Variants in PLEKHA5 observed in about 807,000 individuals in gnomAD.
The protein encoded by PLEKHA5 is pleckstrin homology domain-containing family A member 5.
Under a neutral mutation model 181.9 loss-of-function variants are expected in PLEKHA5, and 55 were observed. The ratio of observed to expected loss-of-function variants is 0.30; its 90% CI spans 0.24 to 0.38. PLEKHA5 has a LOEUF of 0.38. Among genes scored for constraint, PLEKHA5 ranks in the 10% least tolerant of loss-of-function variants. The pLI is 1.00. For missense variants in PLEKHA5, 1,432 were observed against 1,549.5 expected, an observed-to-expected ratio of 0.92 and a Z score of 1.27; for synonymous variants, 535 against 529.4, an observed-to-expected ratio of 1.01 and a Z score of -0.15.
chr12:19,213,544 TTTAAGGGTTTCAG>T (rs373126964), intron 3 of PLEKHA5, among the ~76,000 whole-genome samples: 9 of 152,214 alleles, frequency 5.9e-5, no homozygotes, highest in African/African-American at 2.2e-4. Context: ...GAGGGTCATT[TTTAAGGGTTTCAG>T]TAGGGGAGCA....
At chr12:19,352,827 C>A (rs900616416) in intron 25 of PLEKHA5, among the ~76,000 whole-genome samples, 1 of 151,874 alleles carries the variant, frequency 6.6e-6, no homozygotes, top group Admixed American at 6.6e-5. Context: ...TTCTTACTTG[C>A]TCTGTTGCCC....
At chr12:19,228,271 C>T (rs2059962866) in intron 3 of PLEKHA5, among the ~76,000 whole-genome samples, 1 of 152,168 alleles carries the variant, frequency 6.6e-6, no homozygotes, top group Admixed American at 6.5e-5. Flanking sequence ...ACCTTTCAGT[C>T]CTGCTCTTCA....
At chr12:19,311,119 C>G (rs2152986045) in intron 15 of PLEKHA5, among the ~76,000 whole-genome samples, 1 of 152,052 alleles carries the variant, frequency 6.6e-6, no homozygotes, top group East Asian at 1.9e-4. Flanking sequence ...GAACATATTG[C>G]CCGTCGTAGA....
At chr12:19,334,983 G>GA (rs35656695) in intron 20 of PLEKHA5, among the ~76,000 whole-genome samples, 4,659 of 49,938 alleles carry the variant, frequency 0.093, 344 homozygotes, top group South Asian at 0.11. Context: ...TTTTTTTTAT[G>GA]AAAAAAAAAA....
At chr12:19,291,995 C>G (rs2152850069) in intron 15 of PLEKHA5, among the ~76,000 whole-genome samples, 1 of 152,312 alleles carries the variant, frequency 6.6e-6, no homozygotes, top group South Asian at 2.1e-4. Flanking sequence ...TGAGGCTTAT[C>G]TCAGCTTGGA....
intron 3 of PLEKHA5, among the ~76,000 whole-genome samples, chr12:19,196,512 CT>C (rs1207435787): frequency 6.6e-6 from 1 of 152,162 alleles, no homozygotes; most frequent in Non-Finnish European, 1.5e-5. Flanking sequence ...AAACCTACCC[CT>C]ATGTGATCTC....
intron 11 of PLEKHA5, among the ~76,000 whole-genome samples, chr12:19,277,401 C>T (rs2074892839): frequency 6.6e-6 from 1 of 152,094 alleles, no homozygotes; most frequent in Admixed American, 6.6e-5. Flanking sequence ...GTTTTAGGTT[C>T]CTTTATGAGT....
At chr12:19,300,447 C>T (rs894476659) in intron 15 of PLEKHA5, among the ~76,000 whole-genome samples, 1 of 152,126 alleles carries the variant, frequency 6.6e-6, no homozygotes, top group African/African-American at 2.4e-5. Context: ...TTTACAGTTA[C>T]AAAATTATAA....
rs556803659 is a variant in PLEKHA5 at position 19,238,691 on chromosome 12, G to A, written c.228-15249G>A. 2.9e-4 allele frequency among the ~76,000 whole-genome samples: 44 copies of A among 149,628 alleles called. 1 individual carries two copies. The South Asian group carries it at 7.8e-3, about 27-fold the overall frequency. ...ATATTCAGTATACATTTTAAACAAA[G>A]ATGTTTTTGAGACATTATGACATCA... On this transcript the variant is annotated intron_variant, in intron 3 of 31. Coordinates refer to ENST00000429027, the MANE Select transcript of PLEKHA5 (RefSeq NM_001256470.2).
rs115661450 is a variant in PLEKHA5 at position 19,226,724 on chromosome 12, G to A, written c.228-27216G>A. The stretch of plus-strand genomic sequence containing the variant: ...TTTTAAAGTTTGTGTTTGGATAGTC[G>A]TAATTTTTTATGTCTGATCTTCAGT... On this transcript the variant is annotated intron_variant, in intron 3 of 31. Transcript: ENST00000429027. 2.4e-3 allele frequency among the ~76,000 whole-genome samples: 365 copies of A among 152,294 alleles called. 2 individuals are homozygous for A. The highest frequency in any genetic ancestry group is 8.2e-3 in the African/African-American group (340 of 41,574).
chr12:19,219,420 T>C (rs1463814647), intron 3 of PLEKHA5, among the ~76,000 whole-genome samples: 1 of 151,988 alleles, frequency 6.6e-6, no homozygotes, highest in Non-Finnish European at 1.5e-5. Flanking sequence ...TGTGTTTGAA[T>C]ATATGTGTGT....
At chr12:19,257,387 C>G in intron 5 of PLEKHA5, 46 bp from the exon 6 acceptor site, 2 of 876,416 alleles carry the variant, frequency 2.3e-6, no homozygotes, top group Non-Finnish European at 1.9e-6. Context: ...GCTCAAATCT[C>G]TAGGCATTAA....
chr12:19,249,709 G>C (rs1001458332), intron 3 of PLEKHA5, among the ~76,000 whole-genome samples: 2 of 152,136 alleles, frequency 1.3e-5, no homozygotes, highest in African/African-American at 4.8e-5. Flanking sequence ...CCTTTATTCA[G>C]TTGAGACACA....
chr12:19,255,731 T>A (rs901582332), intron 5 of PLEKHA5, among the ~76,000 whole-genome samples: 1 of 151,890 alleles, frequency 6.6e-6, no homozygotes, highest in South Asian at 2.1e-4. Flanking sequence ...TTAATTAAAA[T>A]CTGGAGAAAT....
intron 3 of PLEKHA5, among the ~76,000 whole-genome samples, chr12:19,221,665 A>G (rs2058951459): frequency 6.6e-6 from 1 of 152,210 alleles, no homozygotes; most frequent in Non-Finnish European, 1.5e-5. Context: ...GGTAGAATGC[A>G]GACTATGACA....
Position 19,130,040 on chromosome 12 carries a change from C to A in PLEKHA5, c.90-11C>A. The A allele has an allele frequency of 6.3e-7, 1 of 1,578,390 alleles. No individual in the cohort carries two copies. The highest frequency in any genetic ancestry group is 8.6e-7 in the Non-Finnish European group (1 of 1,162,730). On this transcript the variant is annotated splice_polypyrimidine_tract_variant and intron_variant, in intron 1 of 31. Transcript: ENST00000429027. This position sits in a 1 kb window ranked among gnomAD's most constrained non-coding sequence, Gnocchi z 4.5. The stretch of plus-strand genomic sequence containing the variant: ...CACGCTCCGTGTCTGCCCCTTCTCT[C>A]ACCCCTGCAGCGAGGAGGCCAAGAG...
At chr12:19,274,009 G>C (rs1257603118) in intron 10 of PLEKHA5, among the ~76,000 whole-genome samples, 1 of 152,194 alleles carries the variant, frequency 6.6e-6, no homozygotes, top group Admixed American at 6.5e-5. Context: ...ATCATACTGA[G>C]TTCCTCTTGA....
At chr12:19,148,822 T>G (rs2039617694) in intron 3 of PLEKHA5, among the ~76,000 whole-genome samples, 1 of 152,348 alleles carries the variant, frequency 6.6e-6, no homozygotes, top group Admixed American at 6.5e-5. Flanking sequence ...GCTAGTTATT[T>G]TGTTGTTAAC....
At chr12:19,306,263 T>C (rs190079543) in intron 15 of PLEKHA5, 417 of 341,868 alleles carry the variant, frequency 1.2e-3, no homozygotes, top group Middle Eastern at 2.8e-3. Context: ...TTCCGAGATG[T>C]TGCCACGTAT....
Sources: allele counts gnomAD v4.1 joint callset (sites outside exome capture counted in the v4.1 genomes callset), GRCh38; gene constraint gnomAD v4.1.1; non-coding constraint Gnocchi (gnomAD v3.1); transcripts MANE v1.5; gene names NCBI Gene and HGNC (gene_info 2026-07-23, HGNC 2026-07-21).